Variants in SEPTIN12 observed in about 807,000 individuals in gnomAD.
The protein encoded by SEPTIN12 is septin-12.
Under a neutral mutation model 37.7 loss-of-function variants are expected in SEPTIN12, and 42 were observed. The ratio of observed to expected loss-of-function variants is 1.11; its 90% CI spans 0.87 to 1.44. The LOEUF is 1.44. SEPTIN12 is among the 40% of genes most tolerant of loss of function. SEPTIN12 has a pLI of 0.00. For synonymous variants in SEPTIN12, 254 were observed against 196.7 expected, an observed-to-expected ratio of 1.29 and a Z score of -2.44; for missense variants, 613 against 479.2, an observed-to-expected ratio of 1.28 and a Z score of -2.61.
chr16:4,787,640 G>A lies in SEPTIN12; in HGVS notation c.6C>T (p.Asp2=), dbSNP rs747448161. 20 of 1,574,758 alleles carry A rather than the reference G, an allele frequency of 1.3e-5. No individual in the cohort carries two copies. In the Admixed American group the frequency reaches 2.4e-4, roughly 19 times the overall value. The change falls in exon 2 of 10, where the codon GAC becomes GAT. Residue 2 remains aspartate, a synonymous_variant. Transcript: ENST00000268231. M[D]PLRRSPSPCL... The stretch of plus-strand genomic sequence containing the variant: ...AGGGAGAGGGGGAGCGCCTCAGGGG[G>A]TCCATGGGGGCCAAGGGTTCGAGAT...
At position 4,777,633 on chromosome 16, in the gene SEPTIN12, T is replaced by G. The variant is rs1035551236; in HGVS notation, c.*164A>C. ...ACAGAGTGACACCCAGCCTTTTTAT[T>G]TGTGGATAGCTCAAAGAAGTCATTT... On this transcript the variant is annotated 3_prime_UTR_variant, in exon 10 of 10. Coordinates refer to ENST00000268231, the MANE Select transcript of SEPTIN12 (RefSeq NM_144605.5). The G allele has an allele frequency of 3.0e-5, 18 of 603,768 alleles. No homozygotes were observed. The highest frequency in any genetic ancestry group is 6.6e-5 in the Admixed American group (2 of 30,090). 37.4% of individuals were successfully genotyped at this position (603,768 alleles called of 1,614,324 possible). A position where few individuals can be genotyped will look rare whatever the true frequency, so the allele number is the denominator to read the frequency against.
At chr16:4,782,501 T>C (rs1000902338) in intron 7 of SEPTIN12, among the ~76,000 whole-genome samples, 1 of 152,204 alleles carries the variant, frequency 6.6e-6, no homozygotes, top group Non-Finnish European at 1.5e-5. Flanking sequence ...AGTAACTGCA[T>C]GTTTAAGCAT....
At chr16:4,778,275 T>C in intron 8 of SEPTIN12, 138 bp from the exon 9 acceptor site, 1 of 845,804 alleles carries the variant, frequency 1.2e-6, no homozygotes, top group South Asian at 1.6e-5. Context: ...CCTTTGTTGG[T>C]TCATTCATTC....
At chr16:4,779,649 A>T in intron 8 of SEPTIN12, 41 bp downstream of exon 8, 1 of 1,303,672 alleles carries the variant, frequency 7.7e-7, no homozygotes, top group South Asian at 1.2e-5. Context: ...TGGTTTCCAA[A>T]CTGACCCCAC....
chr16:4,789,316 CTTT>C (rs1221503670), upstream of SEPTIN12, among the ~76,000 whole-genome samples: 1 of 150,982 alleles, frequency 6.6e-6, no homozygotes, highest in Non-Finnish European at 1.5e-5. Context: ...CTTTTTTTTT[CTTT>C]TTTCCTTTTT....
In SEPTIN12 at chr16:4,786,091, C is replaced by G; in HGVS notation, c.181G>C (p.Gly61Arg). The G allele has an allele frequency of 6.2e-7, 1 of 1,609,464 alleles. No homozygotes were observed. ...AGCGTGTTCACCATCGTGGACTTGC[C>G]CAGCCCGCTTTGCCCTGGGAGTGGC... ...NIMVVGQSGL[G>R]KSTMVNTLFK... Residue 61 changes from glycine (G) to arginine (R), a missense_variant, in exon 3 of 10, where the codon GGC becomes CGC. By Grantham distance (125) the Gly-to-Arg change is moderately radical. Coordinates refer to ENST00000268231, the MANE Select transcript of SEPTIN12 (RefSeq NM_144605.5).
intron 4 of SEPTIN12, among the ~76,000 whole-genome samples, chr16:4,785,075 C>T (rs2082421524): frequency 6.6e-6 from 1 of 151,900 alleles, no homozygotes; most frequent in Non-Finnish European, 1.5e-5. Context: ...GGTGAAACCC[C>T]GTCTCTACTA....
At chr16:4,779,657 C>G (rs1410896170) in intron 8 of SEPTIN12, 33 bp downstream of exon 8, 2 of 1,370,406 alleles carry the variant, frequency 1.5e-6, no homozygotes, top group Non-Finnish European at 2.1e-6. Context: ...AAACTGACCC[C>G]ACCTGCATCC....
rs771833973 is a variant in SEPTIN12 at position 4,778,074 on chromosome 16, C to T, written c.875+12G>A. On this transcript the variant is annotated intron_variant, in intron 9 of 9. Coordinates refer to ENST00000268231, the MANE Select transcript of SEPTIN12 (RefSeq NM_144605.5). ...CGCCAGCCCCCTAGCCCCAGGCTCC[C>T]CACACCCTCACCGGATAAGCAGGTC... is the stretch of plus-strand genomic sequence containing the variant. The T allele has an allele frequency of 8.7e-6, 14 of 1,614,004 alleles. No individual in the cohort carries two copies. The highest frequency in any genetic ancestry group is 2.2e-5 in the East Asian group (1 of 44,896).
At chr16:4,784,272 C>T (rs780462802) in intron 4 of SEPTIN12, 14 of 587,814 alleles carry the variant, frequency 2.4e-5, no homozygotes, top group Non-Finnish European at 3.6e-5. Flanking sequence ...TTCTCGGCTT[C>T]ACTGTCTGTA....
At position 4,783,445 on chromosome 16, in the gene SEPTIN12, G is replaced by T; in HGVS notation, c.726+17C>A. ...AAGGAAATCACCTCGCCCGCCTCCCGCCCCACAGCCTCTCACCCGTAACTT... is the reference window on the plus strand; with the variant it reads ...AAGGAAATCACCTCGCCCGCCTCCCTCCCCACAGCCTCTCACCCGTAACTT... On this transcript the variant is annotated intron_variant, in intron 7 of 9. Transcript: ENST00000268231. The T allele has an allele frequency of 6.2e-7, 1 of 1,600,392 alleles. No homozygotes were observed. The highest frequency in any genetic ancestry group is 2.2e-5 in the East Asian group (1 of 44,814).
At chr16:4,791,655 T>C (rs1027361893), upstream of SEPTIN12, among the ~76,000 whole-genome samples, 1 of 152,162 alleles carries the variant, frequency 6.6e-6, no homozygotes, top group African/African-American at 2.4e-5. Flanking sequence ...CCTGTTACTG[T>C]CCTGCCTGGG....
intron 4 of SEPTIN12, 159 bp from the exon 5 acceptor site, chr16:4,784,227 G>T: frequency 1.4e-6 from 1 of 711,232 alleles, no homozygotes; most frequent in South Asian, 1.7e-5. Context: ...CCACTTCCCT[G>T]CATCATCAGA....
At chr16:4,790,717 A>T (rs2082538183), upstream of SEPTIN12, among the ~76,000 whole-genome samples, 1 of 152,134 alleles carries the variant, frequency 6.6e-6, no homozygotes, top group South Asian at 2.1e-4. Flanking sequence ...TGAACCGAGG[A>T]GGTGGAGGTT....
Position 4,779,383 on chromosome 16 carries a change from G to A in SEPTIN12, c.823+307C>T, listed in dbSNP as rs1215638800. Among the ~76,000 whole-genome samples the A allele has an allele frequency of 4.6e-5, 7 of 152,302 alleles. 1 individual carries two copies. In the South Asian group the frequency reaches 1.0e-3, roughly 23 times the overall value. On this transcript the variant is annotated intron_variant, in intron 8 of 9. Coordinates refer to ENST00000268231, the MANE Select transcript of SEPTIN12 (RefSeq NM_144605.5). Reference sequence around the variant, plus strand: ...GTGCCTGATACACAGTAGGCCCATCGTAATTTCCGGCCAGCCACTAGGGCA... The same window carrying A: ...GTGCCTGATACACAGTAGGCCCATCATAATTTCCGGCCAGCCACTAGGGCA...
intron 8 of SEPTIN12, among the ~76,000 whole-genome samples, chr16:4,778,565 C>T (rs2082338637): frequency 6.6e-6 from 1 of 151,962 alleles, no homozygotes; most frequent in Admixed American, 6.6e-5. Context: ...GTTTGGGAGG[C>T]TGAGTTGGGT....
chr16:4,789,033 G>GT (rs1567578521), upstream of SEPTIN12, among the ~76,000 whole-genome samples: 1 of 152,138 alleles, frequency 6.6e-6, no homozygotes, highest in Non-Finnish European at 1.5e-5. Flanking sequence ...TTTGTTGTTT[G>GT]TTTTTGAGAC....
At chr16:4,787,808 C>T (rs1269377806) in intron 1 of SEPTIN12, 141 bp from the exon 2 acceptor site, 2 of 596,482 alleles carry the variant, frequency 3.4e-6, no homozygotes, top group Non-Finnish European at 6.0e-6. Flanking sequence ...CCCTAAGTGC[C>T]TGTAGTCCCA....
At chr16:4,785,498 G>A (rs1210550833) in intron 4 of SEPTIN12, among the ~76,000 whole-genome samples, 2 of 152,084 alleles carry the variant, frequency 1.3e-5, no homozygotes, top group Non-Finnish European at 2.9e-5. Flanking sequence ...CTTGTTGCGG[G>A]CACAGTGGCT....
Sources: allele counts gnomAD v4.1 joint callset (sites outside exome capture counted in the v4.1 genomes callset), GRCh38; gene constraint gnomAD v4.1.1; transcripts MANE v1.5; gene names NCBI Gene and HGNC (gene_info 2026-07-23, HGNC 2026-07-21).